Variants in LILRA2 observed in about 807,000 individuals in gnomAD.
LILRA2 encodes the protein leukocyte immunoglobulin like receptor A2.
A neutral mutation model predicts 47.9 loss-of-function variants in LILRA2; 45 were observed. That is an observed-to-expected ratio of 0.94 (90% CI 0.74 to 1.20). The LOEUF (loss-of-function observed/expected upper bound fraction) is 1.20. Ranked by LOEUF, LILRA2 falls within the 50% of genes most tolerant of loss-of-function variation. LILRA2 has a pLI of 0.00. For missense variants in LILRA2, 651 were observed against 598.2 expected, an observed-to-expected ratio of 1.09 and a Z score of -0.92; for synonymous variants, 279 against 249.2, an observed-to-expected ratio of 1.12 and a Z score of -1.13.
chr19:54,586,943 AAAG>A, intron 6 of LILRA2, 64 bp from the exon 7 acceptor site: 1 of 1,189,384 alleles, frequency 8.4e-7, no homozygotes, highest in Non-Finnish European at 1.2e-6. Flanking sequence ...ACACAGGGGA[AAAG>A]AAGAATGCAG....
chr19:54,586,949 G>A, intron 6 of LILRA2, 61 bp from the exon 7 acceptor site: 1 of 1,252,164 alleles, frequency 8.0e-7, no homozygotes, highest in Admixed American at 2.2e-5. Flanking sequence ...GGGAAAAGAA[G>A]AATGCAGAGC....
At chr19:54,583,974 C>CA (rs1324240958) in intron 6 of LILRA2, among the ~76,000 whole-genome samples, 1 of 152,158 alleles carries the variant, frequency 6.6e-6, no homozygotes, top group African/African-American at 2.4e-5. Flanking sequence ...CTGGTGGTGA[C>CA]AAAATCTCTC....
chr19:54,582,327 C>T (rs60073657), intron 6 of LILRA2, among the ~76,000 whole-genome samples: 7,675 of 152,184 alleles, frequency 0.05, 218 homozygotes, highest in South Asian at 0.092. Flanking sequence ...TTTCCATTGA[C>T]TGGAGTAGTT....
chr19:54,577,703 C>A (rs1479556964), intron 6 of LILRA2: 2 of 1,271,884 alleles, frequency 1.6e-6, no homozygotes, highest in South Asian at 1.3e-5. Context: ...GGGCCCTGCA[C>A]CTGCTCCCTG....
intron 6 of LILRA2, among the ~76,000 whole-genome samples, chr19:54,585,639 A>G (rs1317821592): frequency 6.6e-6 from 1 of 152,158 alleles, no homozygotes; most frequent in Non-Finnish European, 1.5e-5. Flanking sequence ...AGTTGCTAAG[A>G]CTGTGGGAAT....
Position 54,587,560 on chromosome 19 carries a change from A to T in LILRA2, c.*214A>T. The T allele has an allele frequency of 1.2e-6, 1 of 840,920 alleles. No individual in the cohort carries two copies. The highest frequency in any genetic ancestry group is 1.8e-6 in the Non-Finnish European group (1 of 561,856). The allele number at this position is 840,920 out of a possible 1,614,324, so 52.1% of individuals were successfully genotyped here. ...CTGTGGTACATTTTTTTGTCTATGA[A>T]TGTTGACTTCCCTTGACTGGATCCC... On this transcript the variant is annotated 3_prime_UTR_variant, in exon 8 of 8. Transcript: ENST00000391738.
Position 54,575,296 on chromosome 19 carries a change from T to C in LILRA2, c.696T>C (p.Pro232=), listed in dbSNP as rs1363437003. The C allele has an allele frequency of 1.2e-6, 2 of 1,613,952 alleles. No individual in the cohort carries two copies. Among genetic ancestry groups the C allele is most frequent in the Non-Finnish European group, 1.7e-6 (2 of 1,179,906 alleles). ...KKPSLSVQPG[P]MVAPGESLTL... is the part of the protein sequence containing the mutation. ...CATCACTCTCAGTGCAGCCAGGTCC[T>C]ATGGTGGCCCCTGGGGAGAGCCTGA... The change falls in exon 5 of 8, where the codon CCT becomes CCC. Residue 232 remains proline (P), a synonymous_variant. Transcript: ENST00000391738.
rs1376784472 is a variant in LILRA2, at chr19:54,588,341, C to A, written c.*995C>A. The A allele has an allele frequency of 1.3e-5, 2 of 151,098 alleles. No individual in the cohort carries two copies. Among genetic ancestry groups the A allele is most frequent in the Non-Finnish European group, 2.9e-5 (2 of 67,854 alleles). 9.4% of individuals were successfully genotyped at this position (151,098 alleles called of 1,614,324 possible). ...AGTACATGCCGGGCGCGGTGGCTCA[C>A]GCCTGTAATCCCAGCACTTTGGGAG... On this transcript the variant is annotated 3_prime_UTR_variant, in exon 8 of 8. Coordinates refer to ENST00000391738, the MANE Select transcript of LILRA2 (RefSeq NM_001130917.3).
Position 54,588,429 on chromosome 19 carries a change from C to G in LILRA2, c.*1083C>G, listed in dbSNP as rs1340667813. 6.6e-6 allele frequency: 1 copy of G among 151,674 alleles called. No homozygotes were observed. The highest frequency in any genetic ancestry group is 2.4e-5 in the African/African-American group (1 of 41,298). The allele number at this position is 151,674 out of a possible 1,614,324, so 9.4% of individuals were successfully genotyped here. ...CCATCCTGGCTAACATGGTGAAACCCCGTCTCTACTAAATACACAAAAAAA... is the reference window on the plus strand; with the variant it reads ...CCATCCTGGCTAACATGGTGAAACCGCGTCTCTACTAAATACACAAAAAAA... On this transcript the variant is annotated 3_prime_UTR_variant, in exon 8 of 8. Transcript: ENST00000391738.
In LILRA2 at chr19:54,577,817, TA is replaced by T. The variant is rs2062517855; in HGVS notation, c.1255+1712del. ...TTTGTTACTTTTTTTCTAAAACTTT[TA>T]AAACAGTATTTGAATATATGAATTT... is the stretch of plus-strand genomic sequence containing the variant. On this transcript the variant is annotated intron_variant, in intron 6 of 7. Transcript: ENST00000391738. 14 of 756,718 alleles carry T rather than the reference TA, an allele frequency of 1.9e-5. No individual in the cohort carries two copies. The South Asian group carries it at 3.6e-4, about 19-fold the overall frequency. 46.9% of individuals were successfully genotyped at this position (756,718 alleles called of 1,614,324 possible).
Position 54,576,117 on chromosome 19 carries a change from C to G in LILRA2, c.1255+8C>G. 1 of 1,613,908 alleles carries G rather than the reference C, an allele frequency of 6.2e-7. No homozygotes were observed. The highest frequency in any genetic ancestry group is 8.5e-7 in the Non-Finnish European group (1 of 1,179,778). ...TGGAGCTCGTGGTCTCAGGTGAGGG[C>G]CCTGATCTTGTCCTCTCCGAGCTCA... On this transcript the variant is annotated splice_region_variant and intron_variant, in intron 6 of 7. Coordinates refer to ENST00000391738, the MANE Select transcript of LILRA2 (RefSeq NM_001130917.3).
chr19:54,587,139 G>A (rs893403514), intron 7 of LILRA2, 62 bp from the exon 8 acceptor site: 24 of 1,610,598 alleles, frequency 1.5e-5, no homozygotes, highest in Non-Finnish European at 8.5e-7. Flanking sequence ...TGCCCTGGGT[G>A]GACATACAGG....
In LILRA2 at chr19:54,589,915, G is replaced by A. The variant is rs2062898239; in HGVS notation, c.*2569G>A. On this transcript the variant is annotated 3_prime_UTR_variant, in exon 8 of 8. Coordinates refer to ENST00000391738, the MANE Select transcript of LILRA2 (RefSeq NM_001130917.3). ...TTTTTCTACCACTTTTCAGTCCTGG[G>A]AAACTCAGTCCCAATGTGCTTGTCA... The A allele has an allele frequency of 3.9e-5, 6 of 152,174 alleles. No homozygotes were observed. The South Asian group carries it at 1.2e-3, about 31-fold the overall frequency. 9.4% of individuals were successfully genotyped at this position (152,174 alleles called of 1,614,324 possible).
intron 6 of LILRA2, among the ~76,000 whole-genome samples, chr19:54,577,177 C>T (rs567758768): frequency 5.9e-5 from 9 of 151,570 alleles, no homozygotes; most frequent in South Asian, 2.1e-4. Context: ...TACAAAACCC[C>T]GCTGGTTGAG....
In LILRA2 at chr19:54,574,554, C is replaced by T; in HGVS notation, c.324C>T (p.Tyr108=). The change falls in exon 3 of 8, where the codon TAC becomes TAT. Residue 108 remains tyrosine (Y), a synonymous_variant. Transcript: ENST00000391738. ...ACAGCCACAATCACTCATCAGAGTA[C>T]AGTGACCCCCTGGAGCTGGTGGTGA... ...QYYSHNHSSE[Y]SDPLELVVTG... is the part of the protein sequence containing the mutation. 6.2e-7 allele frequency: 1 copy of T among 1,613,880 alleles called. No homozygotes were observed. Among genetic ancestry groups the T allele is most frequent in the Middle Eastern group, 1.6e-4 (1 of 6,062 alleles).
chr19:54,576,269 C>A (rs902955336), intron 6 of LILRA2, among the ~76,000 whole-genome samples, 160 bp downstream of exon 6: 9 of 151,234 alleles, frequency 6.0e-5, no homozygotes, highest in Middle Eastern at 6.9e-3. Flanking sequence ...GGACCTCCCA[C>A]CCCTGGCTCC....
In LILRA2 at chr19:54,589,769, T is replaced by C. The variant is rs899944159; in HGVS notation, c.*2423T>C. 2.0e-5 allele frequency: 3 copies of C among 151,972 alleles called. No homozygotes were observed. The highest frequency in any genetic ancestry group is 7.2e-5 in the African/African-American group (3 of 41,422). 9.4% of individuals were successfully genotyped at this position (151,972 alleles called of 1,614,324 possible). On this transcript the variant is annotated 3_prime_UTR_variant, in exon 8 of 8. Coordinates refer to ENST00000391738, the MANE Select transcript of LILRA2 (RefSeq NM_001130917.3). ...TGTGGTTCTCTGGTGAGCCCCATCA[T>C]GCTGTCCTAGAAGATCCACTTAGAA... is the stretch of plus-strand genomic sequence containing the variant.
chr19:54,573,665 C>A, upstream of LILRA2: 1 of 873,416 alleles, frequency 1.1e-6, no homozygotes, highest in Non-Finnish European at 1.7e-6. Flanking sequence ...TCTGAAATGT[C>A]TGCAGAGGGC....
At chr19:54,579,827 C>G (rs2062588871) in intron 6 of LILRA2, among the ~76,000 whole-genome samples, 1 of 152,110 alleles carries the variant, frequency 6.6e-6, no homozygotes, top group Non-Finnish European at 1.5e-5. Context: ...TCCTTCACAT[C>G]CTTTGTTAGT....
Sources: gnomAD v4.1 joint callset for allele counts (sites outside exome capture counted in the v4.1 genomes callset) on GRCh38, gnomAD v4.1.1 for gene constraint, MANE v1.5 for transcripts, NCBI Gene and HGNC (gene_info 2026-07-23, HGNC 2026-07-21) for gene names.